ZNF618: variants seen among roughly 807,000 people sequenced by gnomAD.
ZNF618 encodes zinc finger protein 618.
In ZNF618, 34 loss-of-function variants were observed where a neutral mutation model predicts 103.0. The observed-to-expected ratio is 0.33, with a 90% CI of 0.25 to 0.44. ZNF618 has a LOEUF of 0.44. Ranked by LOEUF, ZNF618 falls within the 20% of genes least tolerant of loss-of-function variation. The pLI, the probability that ZNF618 is intolerant of heterozygous loss-of-function variation, is 1.00. For synonymous variants in ZNF618, 551 were observed against 542.2 expected, an observed-to-expected ratio of 1.02 and a Z score of -0.23; for missense variants, 1,059 against 1,295.4, an observed-to-expected ratio of 0.82 and a Z score of 2.80.
chr9:113,946,616 A>G (rs11788091), intron 1 of ZNF618, among the ~76,000 whole-genome samples: 7,653 of 152,204 alleles, frequency 0.05, 213 homozygotes, highest in African/African-American at 0.073. Context: ...AGTGCGAGGT[A>G]GGGGGCAAGC....
intron 4 of ZNF618, among the ~76,000 whole-genome samples, chr9:114,000,898 C>T (rs1378233365): frequency 6.6e-6 from 1 of 152,250 alleles, no homozygotes; most frequent in African/African-American, 2.4e-5. Flanking sequence ...CTCCCATCCC[C>T]AGATGCTGGG....
rs1554759870 is a variant in ZNF618 at position 114,022,621 on chromosome 9, A to AAAT, written c.844+5837_844+5838insAAT. Among the ~76,000 whole-genome samples, 78 of 149,678 alleles carry AAAT rather than the reference A, an allele frequency of 5.2e-4. 1 individual carries two copies. Among genetic ancestry groups the AAAT allele is most frequent in the Non-Finnish European group, 7.9e-4 (53 of 67,378 alleles). On this transcript the variant is annotated intron_variant, in intron 10 of 14. Coordinates refer to ENST00000374126, the MANE Select transcript of ZNF618 (RefSeq NM_001318042.2). ...TTGACCAAAAAAAAAAAAAAAAAAA[A>AAAT]GGCATCTCGTATTGTCAGTTAGGCC...
At chr9:113,968,639 C>T (rs766274913) in intron 1 of ZNF618, among the ~76,000 whole-genome samples, 5 of 152,168 alleles carry the variant, frequency 3.3e-5, no homozygotes, top group Non-Finnish European at 5.9e-5. Context: ...CCTCCCCCCA[C>T]ACCCAAATAA....
chr9:113,898,719 T>C (rs17200294), intron 1 of ZNF618, among the ~76,000 whole-genome samples: 35,253 of 152,062 alleles, frequency 0.23, 4,317 homozygotes, highest in Non-Finnish European at 0.27. Context: ...AAACCTTGAG[T>C]GGAAAGAGGA....
chr9:113,938,863 T>A (rs1834283815), intron 1 of ZNF618, among the ~76,000 whole-genome samples: 1 of 152,112 alleles, frequency 6.6e-6, no homozygotes, highest in Non-Finnish European at 1.5e-5. Context: ...AGCCACCACA[T>A]CCGTTCCGTC....
intron 1 of ZNF618, among the ~76,000 whole-genome samples, chr9:113,935,732 C>G (rs577115446): frequency 6.6e-6 from 1 of 152,136 alleles, no homozygotes; most frequent in Non-Finnish European, 1.5e-5. Context: ...GGACTGCAAA[C>G]TCTTTGAGGG....
At chr9:113,987,638 G>A (rs920937573) in intron 2 of ZNF618, among the ~76,000 whole-genome samples, 4 of 152,166 alleles carry the variant, frequency 2.6e-5, no homozygotes, top group Non-Finnish European at 4.4e-5. Context: ...AACCCTTACC[G>A]CCCAAAGCGT....
chr9:113,901,478 C>G (rs1417463039), intron 1 of ZNF618, among the ~76,000 whole-genome samples: 1 of 152,244 alleles, frequency 6.6e-6, no homozygotes, highest in Non-Finnish European at 1.5e-5. Context: ...TAATTACCCA[C>G]TGAATTGGCT....
Position 114,008,497 on chromosome 9 carries a change from G to T in ZNF618, c.697G>T (p.Val233Leu). 6.2e-7 allele frequency: 1 copy of T among 1,613,962 alleles called. No individual in the cohort carries two copies. Among genetic ancestry groups the T allele is most frequent in the Non-Finnish European group, 8.5e-7 (1 of 1,179,864 alleles). The change falls in exon 9 of 15, where the codon GTG becomes TTG. Residue 233 changes from valine to leucine, a missense_variant. By Grantham distance (32) the Val-to-Leu change is conservative. Around this residue, in one of 6 missense-constraint regions of ZNF618, gnomAD observed 434 missense variants for 476.0 expected, o/e 0.91. Coordinates refer to ENST00000374126, the MANE Select transcript of ZNF618 (RefSeq NM_001318042.2). ...CACAGACCCCTTCGACCAAGGTGTC[G>T]TGGCCACGGACGAGGTGAAGGAGGA... ...NRADPFDQGVVATDEVKEEPP... is the reference protein window; with the variant it reads ...NRADPFDQGVLATDEVKEEPP...
Position 114,050,162 on chromosome 9 carries a change from C to A in ZNF618, c.2860C>A (p.Leu954Ile). ...NKLMFLKSNML is the reference protein window; with the variant it reads ...NKLMFLKSNMI Reference sequence around the variant, plus strand: ...ACTCATGTTTCTGAAATCCAACATGCTTTAAGACTTGACTTCGGGGGAAAA... The same window carrying A: ...ACTCATGTTTCTGAAATCCAACATGATTTAAGACTTGACTTCGGGGGAAAA... Residue 954 changes from leucine (L) to isoleucine (I), a missense_variant, in exon 15 of 15, where the codon CTT (leucine) becomes ATT (isoleucine). By Grantham distance (5) the Leu-to-Ile change is conservative. Around this residue, in one of 6 missense-constraint regions of ZNF618, gnomAD observed 156 missense variants for 197.1 expected, o/e 0.79. Transcript: ENST00000374126. 6.5e-7 allele frequency: 1 copy of A among 1,539,162 alleles called. No individual in the cohort carries two copies. The highest frequency in any genetic ancestry group is 1.2e-5 in the South Asian group (1 of 82,306).
At chr9:113,993,372 G>A (rs890758698) in intron 3 of ZNF618, among the ~76,000 whole-genome samples, 5 of 152,360 alleles carry the variant, frequency 3.3e-5, no homozygotes, top group East Asian at 1.9e-4. Context: ...TATGCCAAGA[G>A]GTCTCTGCCA....
intron 2 of ZNF618, among the ~76,000 whole-genome samples, chr9:113,975,808 G>T (rs1365115976): frequency 6.6e-6 from 1 of 152,132 alleles, no homozygotes; most frequent in Non-Finnish European, 1.5e-5. Flanking sequence ...TTTGAGAACG[G>T]GGTATGTTTT....
chr9:113,905,743 T>A (rs76971251), intron 1 of ZNF618, among the ~76,000 whole-genome samples: 2 of 152,304 alleles, frequency 1.3e-5, no homozygotes, highest in Non-Finnish European at 2.9e-5. Flanking sequence ...GTTGAAGAAT[T>A]GCAGCTCATT....
At chr9:113,992,477 C>G (rs1180903984) in intron 3 of ZNF618, among the ~76,000 whole-genome samples, 2 of 152,090 alleles carry the variant, frequency 1.3e-5, no homozygotes, top group Non-Finnish European at 2.9e-5. Context: ...TAAGTGAGCC[C>G]CTGCTGCAGT....
intron 9 of ZNF618, among the ~76,000 whole-genome samples, chr9:114,016,422 C>T (rs1040052785): frequency 6.6e-6 from 1 of 152,160 alleles, no homozygotes; most frequent in Non-Finnish European, 1.5e-5. Flanking sequence ...AAATTTAATC[C>T]TCACAGCAAT....
At chr9:113,991,957 CA>C (rs1426473974) in intron 3 of ZNF618, among the ~76,000 whole-genome samples, 3 of 152,194 alleles carry the variant, frequency 2.0e-5, no homozygotes, top group African/African-American at 7.2e-5. Flanking sequence ...TGCTGGAAGT[CA>C]GGCTTTTCTG....
chr9:114,010,182 C>A (rs1176705055), intron 9 of ZNF618, among the ~76,000 whole-genome samples: 1 of 151,908 alleles, frequency 6.6e-6, no homozygotes, highest in African/African-American at 2.4e-5. Flanking sequence ...ACACCTATAG[C>A]CCCAGCTACT....
chr9:114,038,647 G>A (rs552764898), intron 13 of ZNF618, among the ~76,000 whole-genome samples: 20 of 152,330 alleles, frequency 1.3e-4, no homozygotes, highest in Admixed American at 7.8e-4. Flanking sequence ...AAAACCTGGC[G>A]TGCCTTGGTG....
intron 1 of ZNF618, among the ~76,000 whole-genome samples, chr9:113,942,926 A>G (rs1834680413): frequency 6.6e-6 from 1 of 152,156 alleles, no homozygotes. Context: ...TATAATTTTC[A>G]ACTTCTAATG....
Sources: allele counts gnomAD v4.1 joint callset (sites outside exome capture counted in the v4.1 genomes callset), GRCh38; gene constraint gnomAD v4.1.1; regional missense constraint gnomAD v4.1.1; transcripts MANE v1.5; gene names NCBI Gene and HGNC (gene_info 2026-07-23, HGNC 2026-07-21).